PTP4A2: variants seen among roughly 807,000 people sequenced by gnomAD.
PTP4A2 encodes the protein protein tyrosine phosphatase 4A2, also known as protein tyrosine phosphatase type IVA 2.
PTP4A2 carries 2 observed loss-of-function variants against 22.9 expected under a neutral mutation model. The observed-to-expected ratio is 0.09, with a 90% CI of 0.04 to 0.27. PTP4A2 has a LOEUF of 0.27. Ranked by LOEUF, PTP4A2 falls within the 10% of genes least tolerant of loss-of-function variation. The pLI, the probability that PTP4A2 is intolerant of heterozygous loss-of-function variation, is 1.00. For synonymous variants in PTP4A2, 68 were observed against 69.1 expected, an observed-to-expected ratio of 0.98 and a Z score of 0.08; for missense variants, 103 against 205.1, an observed-to-expected ratio of 0.50 and a Z score of 3.04.
At chr1:31,920,130 A>AT (rs1367953310) in intron 1 of PTP4A2, among the ~76,000 whole-genome samples, 3 of 141,030 alleles carry the variant, frequency 2.1e-5, no homozygotes, top group South Asian at 2.3e-4. Context: ...CTGCCTCAAA[A>AT]AAAAAAAAAA....
intron 2 of PTP4A2, among the ~76,000 whole-genome samples, chr1:31,916,843 A>G (rs928540389): frequency 1.3e-5 from 2 of 152,252 alleles, no homozygotes; most frequent in Non-Finnish European, 2.9e-5. Context: ...ATATATGCAG[A>G]GAAAAACATC....
chr1:31,919,794 G>A (rs1411342141), intron 1 of PTP4A2, 136 bp from the exon 2 acceptor site: 1 of 152,232 alleles, frequency 6.6e-6, no homozygotes, highest in Non-Finnish European at 1.5e-5. Context: ...TACCATCTAT[G>A]AAGAATTGGA....
At chr1:31,930,108 G>A (rs1652655409) in intron 1 of PTP4A2, among the ~76,000 whole-genome samples, 1 of 152,190 alleles carries the variant, frequency 6.6e-6, no homozygotes, top group Non-Finnish European at 1.5e-5. Context: ...GGAGGCCAAG[G>A]CGGGCGGATC....
chr1:31,912,291 G>A (rs536575046), intron 3 of PTP4A2, among the ~76,000 whole-genome samples: 2 of 152,312 alleles, frequency 1.3e-5, no homozygotes, highest in African/African-American at 4.8e-5. Flanking sequence ...AGATAACTAA[G>A]TTATGACATC....
chr1:31,915,869 G>A (rs1557862630), intron 3 of PTP4A2, 26 bp downstream of exon 3: 1 of 1,474,706 alleles, frequency 6.8e-7, no homozygotes, highest in Non-Finnish European at 9.3e-7. Flanking sequence ...AACTTGTTTT[G>A]AAAAATTTAA....
intron 1 of PTP4A2, among the ~76,000 whole-genome samples, chr1:31,928,953 T>C (rs1652603802): frequency 1.3e-5 from 2 of 152,174 alleles, no homozygotes; most frequent in African/African-American, 4.8e-5. Context: ...CTGAGAACAG[T>C]GACAGTTATT....
intron 1 of PTP4A2, among the ~76,000 whole-genome samples, chr1:31,925,348 C>G (rs1652398330): frequency 6.6e-6 from 1 of 152,114 alleles, no homozygotes; most frequent in African/African-American, 2.4e-5. Flanking sequence ...GTCCTCTGTC[C>G]CAGGCAGGTC....
rs1651294633 is a variant in PTP4A2, at chr1:31,908,135, TTATATTATATATATA to T, written c.*702_*716del. The stretch of plus-strand genomic sequence containing the variant: ...GAAAATATATATATATATATATATA[TTATATTATATATATA>T]TATATATATATATATATATATATAT... On this transcript the variant is annotated 3_prime_UTR_variant, in exon 6 of 6. Coordinates refer to ENST00000647444, the MANE Select transcript of PTP4A2 (RefSeq NM_080391.4). The T allele has an allele frequency of 8.8e-3, 35 of 3,966 alleles. 9 individuals carry two copies. Among genetic ancestry groups the T allele is most frequent in the Non-Finnish European group, 0.014 (34 of 2,434 alleles). 0.2% of individuals were successfully genotyped at this position (3,966 alleles called of 1,614,324 possible).
In PTP4A2 at chr1:31,908,133, TATTATATTATATA is replaced by T. The variant is rs1557858783; in HGVS notation, c.*706_*718del. 2.9e-3 allele frequency: 1 copy of T among 348 alleles called. No individual in the cohort carries two copies. The highest frequency in any genetic ancestry group is 5.5e-3 in the Non-Finnish European group (1 of 182). The allele number at this position is 348 out of a possible 1,614,324, so 0.0% of individuals were successfully genotyped here. A position where few individuals can be genotyped will look rare whatever the true frequency, so the allele number is the denominator to read the frequency against. On this transcript the variant is annotated 3_prime_UTR_variant, in exon 6 of 6. Transcript: ENST00000647444. ...TGGAAAATATATATATATATATATA[TATTATATTATATA>T]TATATATATATATATATATATATAT...
intron 1 of PTP4A2, chr1:31,921,579 CTCAG>C (rs368741087): frequency 7.9e-5 from 12 of 152,158 alleles, no homozygotes; most frequent in Admixed American, 4.6e-4. Context: ...TTACAGCTGG[CTCAG>C]TCAGAGAACA....
chr1:31,918,410 G>A (rs1002528800), intron 2 of PTP4A2, among the ~76,000 whole-genome samples: 2 of 152,092 alleles, frequency 1.3e-5, no homozygotes, highest in African/African-American at 4.8e-5. Context: ...TTATTACAAC[G>A]AAGTAGTCTG....
At position 31,907,635 on chromosome 1, in the gene PTP4A2, TA is replaced by T. The variant is rs1033438702; in HGVS notation, c.*1216del. 7.9e-5 allele frequency: 12 copies of T among 151,980 alleles called. No individual in the cohort carries two copies. The highest frequency in any genetic ancestry group is 1.2e-4 in the African/African-American group (5 of 41,360). 9.4% of individuals were successfully genotyped at this position (151,980 alleles called of 1,614,324 possible). A position where few individuals can be genotyped will look rare whatever the true frequency, so the allele number is the denominator to read the frequency against. On this transcript the variant is annotated 3_prime_UTR_variant, in exon 6 of 6. Coordinates refer to ENST00000647444, the MANE Select transcript of PTP4A2 (RefSeq NM_080391.4). ...CAGTGGTTAAACTGAACTTTACATATAGGGGGCAGTTTGGAAAACACATACC... is the reference window on the plus strand; with the variant it reads ...CAGTGGTTAAACTGAACTTTACATATGGGGGCAGTTTGGAAAACACATACC...
At chr1:31,931,811 C>A (rs925352344) in intron 1 of PTP4A2, among the ~76,000 whole-genome samples, 5 of 152,188 alleles carry the variant, frequency 3.3e-5, no homozygotes, top group Admixed American at 1.3e-4. Flanking sequence ...CCATCATATC[C>A]TTCTCTATTT....
Position 31,924,892 on chromosome 1 carries a change from A to G in PTP4A2, c.-593-5234T>C, listed in dbSNP as rs541961869. On this transcript the variant is annotated intron_variant, in intron 1 of 5. Transcript: ENST00000647444. Reference sequence around the variant, plus strand: ...CCTTTTAAATTAAGAAAGGAGGGAGATAAGGGATAAAAAAAAAGAAAAAAC... The same window carrying G: ...CCTTTTAAATTAAGAAAGGAGGGAGGTAAGGGATAAAAAAAAAGAAAAAAC... Among the ~76,000 whole-genome samples the G allele has an allele frequency of 2.6e-4, 39 of 152,262 alleles. 1 individual carries two copies. The highest frequency in any genetic ancestry group is 8.7e-4 in the African/African-American group (36 of 41,510).
chr1:31,917,471 T>C lies in PTP4A2; in HGVS notation c.97-1484A>G, dbSNP rs1365557099. Among the ~76,000 whole-genome samples, 9 of 152,328 alleles carry C rather than the reference T, an allele frequency of 5.9e-5. No homozygotes were observed. In the South Asian group the frequency reaches 1.7e-3, roughly 28 times the overall value. ...GTTTCAAAATACAAATAAAATCCCA[T>C]TAAAATAAACTCTGTAATAGCCATT... On this transcript the variant is annotated intron_variant, in intron 2 of 5. Transcript: ENST00000647444.
At chr1:31,916,464 T>C (rs568482704) in intron 2 of PTP4A2, among the ~76,000 whole-genome samples, 29 of 150,534 alleles carry the variant, frequency 1.9e-4, no homozygotes, top group African/African-American at 7.0e-4. Context: ...CAATGGACAC[T>C]CATGAAATCT....
At chr1:31,933,128 A>T (rs1485149686) in intron 1 of PTP4A2, 1 of 152,004 alleles carries the variant, frequency 6.6e-6, no homozygotes, top group Non-Finnish European at 1.5e-5. Flanking sequence ...CAGCCTCCTG[A>T]GTAGCTGGAA....
intron 4 of PTP4A2, chr1:31,910,910 T>TA (rs939495605): frequency 1.3e-5 from 2 of 152,224 alleles, no homozygotes; most frequent in African/African-American, 2.4e-5. Flanking sequence ...TCTATCTTTT[T>TA]AAAAAAATTT....
intron 1 of PTP4A2, among the ~76,000 whole-genome samples, chr1:31,937,192 T>G (rs1652973004): frequency 6.6e-6 from 1 of 152,116 alleles, no homozygotes; most frequent in Admixed American, 6.5e-5. Flanking sequence ...TTTGAAAATT[T>G]ACTTTGAAGT....
Sources: allele counts gnomAD v4.1 joint callset (sites outside exome capture counted in the v4.1 genomes callset), GRCh38; gene constraint gnomAD v4.1.1; transcripts MANE v1.5; gene names NCBI Gene and HGNC (gene_info 2026-07-23, HGNC 2026-07-21).